The following SERPINI2 variants were observed in gnomAD, a reference collection of about 807,000 sequenced individuals.
The protein encoded by SERPINI2 is serpin family I member 2.
SERPINI2 carries 48 observed loss-of-function variants against 47.3 expected under a neutral mutation model. That is an observed-to-expected ratio of 1.02 (90% confidence interval 0.81 to 1.29). The LOEUF (loss-of-function observed/expected upper bound fraction) is 1.29. SERPINI2 is among the 50% of genes most tolerant of loss of function. The pLI, the probability that SERPINI2 is intolerant of heterozygous loss-of-function variation, is 0.00. For synonymous variants in SERPINI2, 135 were observed against 149.3 expected (o/e 0.90, Z 0.70); for missense variants, 448 against 456.9 (o/e 0.98, Z 0.18).
rs78539252 is a variant in SERPINI2, at chr3:167,449,409, A to T, written c.965-7T>A. 17,912 of 1,452,830 alleles carry T rather than the reference A, an allele frequency of 0.012. 1,500 individuals carry two copies. The African/African-American group carries it at 0.21, about 17-fold the overall frequency. 90.0% of individuals were successfully genotyped at this position (1,452,830 alleles called of 1,614,324 possible). ...ACATACACTTCAGATGAATCTGGTT[A>T]AAAAAAAATACACAAAAGTGTATTT... is the stretch of plus-strand genomic sequence containing the variant. On this transcript the variant is annotated splice_polypyrimidine_tract_variant and splice_region_variant and intron_variant, in intron 6 of 8. Transcript: ENST00000264677.
chr3:167,452,256 G>T (rs1165023798), intron 6 of SERPINI2, among the ~76,000 whole-genome samples: 1 of 152,062 alleles, frequency 6.6e-6, no homozygotes, highest in African/African-American at 2.4e-5. Flanking sequence ...AAGTAACTTG[G>T]GACAAACTGG....
At chr3:167,470,022 A>G (rs2108172882) in intron 2 of SERPINI2, among the ~76,000 whole-genome samples, 1 of 152,240 alleles carries the variant, frequency 6.6e-6, no homozygotes, top group Admixed American at 6.5e-5. Context: ...TTACTTTATC[A>G]TGTTCACAAT....
chr3:167,453,087 CT>C (rs1749687977), intron 5 of SERPINI2, 54 bp from the exon 6 acceptor site: 2 of 991,650 alleles, frequency 2.0e-6, no homozygotes, highest in South Asian at 3.1e-5. Context: ...CACATTTTTG[CT>C]ACCAATTTTT....
intron 5 of SERPINI2, among the ~76,000 whole-genome samples, chr3:167,463,383 C>T (rs1010150963): frequency 2.0e-5 from 3 of 151,896 alleles, no homozygotes; most frequent in Admixed American, 2.0e-4. Flanking sequence ...GTTAGAGACT[C>T]AGATTTTAAA....
chr3:167,459,229 T>C (rs916503276), intron 5 of SERPINI2, among the ~76,000 whole-genome samples: 16 of 151,838 alleles, frequency 1.1e-4, no homozygotes, highest in South Asian at 4.1e-4. Flanking sequence ...CGCCCGCCAC[T>C]ATGCCCGGCT....
intron 5 of SERPINI2, among the ~76,000 whole-genome samples, chr3:167,454,795 C>G (rs553876195): frequency 6.6e-6 from 1 of 152,140 alleles, no homozygotes; most frequent in Admixed American, 6.5e-5. Flanking sequence ...ATTATTGGAG[C>G]CATGAATAGC....
chr3:167,466,427 CATT>C (rs1168947017), intron 3 of SERPINI2, among the ~76,000 whole-genome samples: 1 of 152,178 alleles, frequency 6.6e-6, no homozygotes, highest in Non-Finnish European at 1.5e-5. Context: ...ACTTCACATA[CATT>C]ATTATTAAAA....
intron 5 of SERPINI2, among the ~76,000 whole-genome samples, chr3:167,462,391 C>T (rs752980789): frequency 1.3e-5 from 2 of 152,218 alleles, no homozygotes; most frequent in African/African-American, 2.4e-5. Context: ...TTCAGAAGGC[C>T]GTGAGGGAAA....
At chr3:167,460,932 C>T (rs559924206) in intron 5 of SERPINI2, among the ~76,000 whole-genome samples, 13 of 152,238 alleles carry the variant, frequency 8.5e-5, no homozygotes, top group African/African-American at 2.4e-4. Context: ...AGACCTAACC[C>T]GCTGTCCCAG....
intron 8 of SERPINI2, 58 bp from the exon 9 acceptor site, chr3:167,442,243 A>G (rs764192365): frequency 1.6e-6 from 2 of 1,258,384 alleles, no homozygotes; most frequent in Non-Finnish European, 2.2e-6. Context: ...AACAACTGAC[A>G]ATAATTAGTT....
intron 8 of SERPINI2, among the ~76,000 whole-genome samples, chr3:167,444,701 G>A (rs1212744043): frequency 1.3e-5 from 2 of 152,072 alleles, no homozygotes; most frequent in Admixed American, 6.5e-5. Flanking sequence ...ATACTTTAAA[G>A]GAGTAACCCT....
At chr3:167,475,061 G>T (rs1169022290), upstream of SERPINI2, among the ~76,000 whole-genome samples, 1 of 151,620 alleles carries the variant, frequency 6.6e-6, no homozygotes, top group African/African-American at 2.4e-5. Flanking sequence ...AAATAGGCCT[G>T]AGAATAGATC....
chr3:167,472,152 GT>G (rs776376469), intron 1 of SERPINI2, among the ~76,000 whole-genome samples: 2 of 151,996 alleles, frequency 1.3e-5, no homozygotes, highest in Non-Finnish European at 2.9e-5. Flanking sequence ...TTATACAATA[GT>G]TTTTTTCTAT....
intron 6 of SERPINI2, 96 bp downstream of exon 6, chr3:167,452,838 TCA>T (rs1318575394): frequency 1.5e-6 from 1 of 669,778 alleles, no homozygotes; most frequent in East Asian, 2.8e-5. Flanking sequence ...CGTATATTTA[TCA>T]GAGCTGAATG....
chr3:167,462,412 A>G (rs1330800659), intron 5 of SERPINI2, among the ~76,000 whole-genome samples: 2 of 152,138 alleles, frequency 1.3e-5, no homozygotes, highest in Non-Finnish European at 2.9e-5. Context: ...AATTTGTTCT[A>G]TGCCTCTCTT....
At chr3:167,444,916 TA>T (rs1749431225) in intron 8 of SERPINI2, among the ~76,000 whole-genome samples, 1 of 152,192 alleles carries the variant, frequency 6.6e-6, no homozygotes, top group Non-Finnish European at 1.5e-5. Flanking sequence ...ATAATTATTC[TA>T]AATGCCATTA....
chr3:167,465,764 T>C, intron 3 of SERPINI2, 91 bp from the exon 4 acceptor site: 2 of 1,129,066 alleles, frequency 1.8e-6, no homozygotes, highest in East Asian at 5.0e-5. Context: ...AAAGTGTCTT[T>C]TGCAGATCAG....
chr3:167,452,072 T>C (rs77448751), intron 6 of SERPINI2, among the ~76,000 whole-genome samples: 8,824 of 152,262 alleles, frequency 0.058, 810 homozygotes, highest in African/African-American at 0.2. Flanking sequence ...CATTTGCCCA[T>C]ATAATTGATG....
At chr3:167,442,522 A>G (rs973714115) in intron 8 of SERPINI2, among the ~76,000 whole-genome samples, 1 of 152,184 alleles carries the variant, frequency 6.6e-6, no homozygotes, top group Non-Finnish European at 1.5e-5. Flanking sequence ...AGCATAATAA[A>G]ACGGTGATGA....
Sources: gnomAD v4.1 joint callset for allele counts (sites outside exome capture counted in the v4.1 genomes callset) on GRCh38, gnomAD v4.1.1 for gene constraint, MANE v1.5 for transcripts, NCBI Gene and HGNC (gene_info 2026-07-23, HGNC 2026-07-21) for gene names.